Variants in MEGF11 observed in about 807,000 individuals in gnomAD.
MEGF11 encodes the protein multiple epidermal growth factor-like domains protein 11.
Under a neutral mutation model 146.6 loss-of-function variants are expected in MEGF11, and 126 were observed. The observed-to-expected ratio is 0.86, with a 90% CI of 0.74 to 1.00. The LOEUF (loss-of-function observed/expected upper bound fraction) is 1.00. MEGF11 is among the 50% of genes least tolerant of loss of function. The pLI is 0.00. For missense variants in MEGF11, 1,509 were observed against 1,521.2 expected (o/e 0.99, Z 0.13); for synonymous variants, 532 against 583.4 (o/e 0.91, Z 1.27).
chr15:65,944,590 G>A (rs2141396358), intron 10 of MEGF11, among the ~76,000 whole-genome samples: 1 of 152,244 alleles, frequency 6.6e-6, no homozygotes, highest in East Asian at 1.9e-4. Flanking sequence ...CATGAACTTT[G>A]CTTGGGAGAT....
intron 5 of MEGF11, among the ~76,000 whole-genome samples, chr15:66,049,591 C>T (rs932642669): frequency 2.6e-5 from 4 of 152,092 alleles, no homozygotes; most frequent in South Asian, 2.1e-4. Flanking sequence ...GGGTATAGGT[C>T]GAGCTGCATG....
intron 1 of MEGF11, among the ~76,000 whole-genome samples, chr15:66,153,498 G>C (rs1348475876): frequency 3.3e-5 from 5 of 152,106 alleles, no homozygotes; most frequent in African/African-American, 1.2e-4. Context: ...GCTTGAACCA[G>C]GGAGGCAGAG....
chr15:66,151,999 C>G (rs1403534588), intron 1 of MEGF11, among the ~76,000 whole-genome samples: 2 of 152,256 alleles, frequency 1.3e-5, no homozygotes, highest in African/African-American at 2.4e-5. Flanking sequence ...AGCAGCACCG[C>G]CCTTCACCCC....
intron 10 of MEGF11, among the ~76,000 whole-genome samples, chr15:65,935,538 G>A (rs1025008160): frequency 6.6e-6 from 1 of 152,092 alleles, no homozygotes; most frequent in Non-Finnish European, 1.5e-5. Context: ...CTTGCTGCTG[G>A]GGAGAAATCC....
At chr15:66,116,318 A>G (rs2087727310) in intron 4 of MEGF11, among the ~76,000 whole-genome samples, 1 of 151,782 alleles carries the variant, frequency 6.6e-6, no homozygotes, top group Non-Finnish European at 1.5e-5. Context: ...TAGATTCCAC[A>G]AGGGCAGGGG....
chr15:66,001,498 C>T (rs1336242109), intron 5 of MEGF11, among the ~76,000 whole-genome samples: 2 of 152,014 alleles, frequency 1.3e-5, no homozygotes, highest in South Asian at 2.1e-4. Flanking sequence ...AAATGGTGGT[C>T]GTCACTCTGC....
At chr15:66,043,808 C>T (rs1335188365) in intron 5 of MEGF11, among the ~76,000 whole-genome samples, 1 of 152,188 alleles carries the variant, frequency 6.6e-6, no homozygotes, top group Non-Finnish European at 1.5e-5. Context: ...GACCCAATAC[C>T]AGCCCCAGAG....
chr15:66,113,455 G>T (rs1230529908), intron 4 of MEGF11, among the ~76,000 whole-genome samples: 1 of 152,196 alleles, frequency 6.6e-6, no homozygotes, highest in African/African-American at 2.4e-5. Context: ...TCGACCAAAA[G>T]GAAACAGGAG....
chr15:66,149,800 T>C, intron 1 of MEGF11, among the ~76,000 whole-genome samples: 1 of 152,142 alleles, frequency 6.6e-6, no homozygotes, highest in East Asian at 1.9e-4. Flanking sequence ...CACCATCCAC[T>C]TAGCAGTTTT....
At chr15:65,911,616 T>C (rs2078809491) in intron 21 of MEGF11, among the ~76,000 whole-genome samples, 1 of 152,206 alleles carries the variant, frequency 6.6e-6, no homozygotes, top group Non-Finnish European at 1.5e-5. Flanking sequence ...TTTCACCATC[T>C]TGGCCAGGAT....
At chr15:65,938,456 G>C (rs1421766581) in intron 10 of MEGF11, among the ~76,000 whole-genome samples, 1 of 152,188 alleles carries the variant, frequency 6.6e-6, no homozygotes, top group Non-Finnish European at 1.5e-5. Flanking sequence ...CTGATCTTGA[G>C]GGAGTACCAC....
chr15:66,112,943 G>C (rs1466336177), intron 4 of MEGF11, among the ~76,000 whole-genome samples: 1 of 152,334 alleles, frequency 6.6e-6, no homozygotes, highest in East Asian at 1.9e-4. Flanking sequence ...ACCTAGGAGA[G>C]TGATGCAAGA....
chr15:66,250,330 G>A (rs1315795860), intron 1 of MEGF11, among the ~76,000 whole-genome samples: 1 of 152,196 alleles, frequency 6.6e-6, no homozygotes, highest in East Asian at 1.9e-4. Context: ...AACCACTAGA[G>A]GGGAGGTTCA....
At chr15:66,072,828 G>A (rs567366631) in intron 5 of MEGF11, among the ~76,000 whole-genome samples, 3 of 152,324 alleles carry the variant, frequency 2.0e-5, no homozygotes, top group African/African-American at 7.2e-5. Context: ...TCCAGCAGTG[G>A]CACTAGAACC....
intron 1 of MEGF11, among the ~76,000 whole-genome samples, chr15:66,138,547 CG>C (rs2088998242): frequency 6.6e-6 from 1 of 152,076 alleles, no homozygotes; most frequent in Non-Finnish European, 1.5e-5. Flanking sequence ...GCTTGCAGCC[CG>C]GTCGGGTCAC....
At chr15:65,977,093 T>C (rs898007424) in intron 7 of MEGF11, among the ~76,000 whole-genome samples, 5 of 148,200 alleles carry the variant, frequency 3.4e-5, no homozygotes, top group African/African-American at 1.2e-4. Flanking sequence ...GGCATGAACC[T>C]GGGAGGCGGA....
intron 4 of MEGF11, among the ~76,000 whole-genome samples, chr15:66,096,028 C>A (rs1023098405): frequency 6.6e-6 from 1 of 152,168 alleles, no homozygotes; most frequent in African/African-American, 2.4e-5. Context: ...ACTTTCCAAA[C>A]AAGCTCAAAT....
chr15:66,132,377 C>T (rs138238892), intron 1 of MEGF11, among the ~76,000 whole-genome samples: 3,265 of 152,356 alleles, frequency 0.021, 51 homozygotes, highest in South Asian at 0.038. Flanking sequence ...AATCCTACCC[C>T]ACCTGCTTCA....
In MEGF11 at chr15:66,003,012, A is replaced by G. The variant is rs536467851; in HGVS notation, c.395-20524T>C. 2.7e-5 allele frequency among the ~76,000 whole-genome samples: 4 copies of G among 147,412 alleles called. No individual in the cohort carries two copies. The South Asian group carries it at 8.5e-4, about 31-fold the overall frequency. On this transcript the variant is annotated intron_variant, in intron 5 of 25. Transcript: ENST00000395614. ...TTCTTTTTTCTTTTTTTTTTTTGAG[A>G]TAGAGTCTAGCTCTGTCACCCAGGC... is the stretch of plus-strand genomic sequence containing the variant.
Sources: allele counts gnomAD v4.1 joint callset (sites outside exome capture counted in the v4.1 genomes callset), GRCh38; gene constraint gnomAD v4.1.1; transcripts MANE v1.5; gene names NCBI Gene and HGNC (gene_info 2026-07-23, HGNC 2026-07-21).